The following SLC38A4 variants were observed in gnomAD, a reference collection of about 807,000 sequenced individuals.
SLC38A4 encodes solute carrier family 38 member 4, also known as sodium-coupled neutral amino acid transporter 4.
SLC38A4 carries 20 observed loss-of-function variants against 63.1 expected under a neutral mutation model. The ratio of observed to expected loss-of-function variants is 0.32; its 90% confidence interval spans 0.22 to 0.46. The LOEUF (loss-of-function observed/expected upper bound fraction) is 0.46. SLC38A4 is among the 20% of genes least tolerant of loss of function. SLC38A4 has a pLI of 1.00. For synonymous variants in SLC38A4, 230 were observed against 225.5 expected (o/e 1.02, Z -0.18); for missense variants, 526 against 663.6 (o/e 0.79, Z 2.28).
At chr12:46,830,298 T>TCTCACACA (rs1180274940), upstream of SLC38A4, among the ~76,000 whole-genome samples, 45 of 148,408 alleles carry the variant, frequency 3.0e-4, no homozygotes, top group East Asian at 2.0e-3. Context: ...TCTCTCTCTC[T>TCTCACACA]CACACACACA....
intron 16 of SLC38A4, 99 bp from the exon 17 acceptor site, chr12:46,766,901 G>T: frequency 1.3e-6 from 1 of 747,004 alleles, no homozygotes. Context: ...TCTATATATT[G>T]AGCCATATTA....
At chr12:46,780,055 A>G in intron 7 of SLC38A4, 25 bp from the exon 8 acceptor site, 2 of 1,557,992 alleles carry the variant, frequency 1.3e-6, no homozygotes, top group South Asian at 2.2e-5. Flanking sequence ...GTGACAGCTT[A>G]ATGGTGTGGA....
chr12:46,802,586 C>T (rs766348086), intron 2 of SLC38A4, among the ~76,000 whole-genome samples: 17 of 151,948 alleles, frequency 1.1e-4, no homozygotes, highest in African/African-American at 1.7e-4. Flanking sequence ...AATGTAAATA[C>T]TTTCAAGAAA....
chr12:46,829,934 T>A (rs7953233), upstream of SLC38A4, among the ~76,000 whole-genome samples: 69,199 of 152,098 alleles, frequency 0.45, 16,997 homozygotes, highest in Non-Finnish European at 0.55. Flanking sequence ...ATCTCATAAG[T>A]TTGTTATGAA....
rs113342541 is a variant in SLC38A4 at position 46,785,702 on chromosome 12, A to AAAGCAG, written c.327-531_327-526dup. ...GCAGGCAGTTGCATATATAATAGAG[A>AAAGCAG]AAGCAGAGAAAGCTAAGGATGGGGC... On this transcript the variant is annotated intron_variant, in intron 5 of 16. Transcript: ENST00000266579. 7.3e-3 allele frequency among the ~76,000 whole-genome samples: 1,095 copies of AAAGCAG among 150,476 alleles called. 17 individuals are homozygous for AAAGCAG. Among genetic ancestry groups the AAAGCAG allele is most frequent in the African/African-American group, 0.024 (1,002 of 40,976 alleles).
Position 46,769,342 on chromosome 12 carries a change from T to C in SLC38A4, c.1386A>G (p.Ala462=). Residue 462 remains alanine, a synonymous_variant, in exon 15 of 17, where the codon GCA becomes GCG. Transcript: ENST00000266579. Reference sequence around the variant, plus strand: ...CAAGGATGACCAGAACATTATTAAGTGCAATAAGCACAGCTGCAATCAGGA... The same window carrying C: ...CAAGGATGACCAGAACATTATTAAGCGCAATAAGCACAGCTGCAATCAGGA... ...RHFLIAAVLI[A]LNNVLVILVP... The C allele has an allele frequency of 6.2e-7, 1 of 1,613,452 alleles. No individual in the cohort carries two copies.
chr12:46,831,967 G>A (rs571242329), intron 1 of SLC38A4, among the ~76,000 whole-genome samples: 1 of 148,480 alleles, frequency 6.7e-6, no homozygotes, highest in Non-Finnish European at 1.5e-5. Context: ...CAGCCCTCCT[G>A]GAATAGGCTA....
upstream of SLC38A4, among the ~76,000 whole-genome samples, chr12:46,830,296 T>TCACACA (rs1383380116): frequency 1.9e-4 from 23 of 118,966 alleles, no homozygotes; most frequent in African/African-American, 4.0e-4. Flanking sequence ...TCTCTCTCTC[T>TCACACA]CTCACACACA....
intron 14 of SLC38A4, among the ~76,000 whole-genome samples, chr12:46,770,211 C>T (rs1034032464): frequency 5.9e-5 from 9 of 151,852 alleles, no homozygotes. Flanking sequence ...AGGGCAAGCA[C>T]TGAATTGATT....
chr12:46,765,638 C>A lies in SLC38A4; in HGVS notation c.*1063G>T, dbSNP rs949126544. ...CACCAACTTAATTCCCTGCCCCCAC[C>A]CCCAATAATATAAATGCTTTGACTG... On this transcript the variant is annotated 3_prime_UTR_variant, in exon 17 of 17. Coordinates refer to ENST00000266579, the MANE Select transcript of SLC38A4 (RefSeq NM_018018.5). 2 of 181,322 alleles carry A rather than the reference C, an allele frequency of 1.1e-5. No individual in the cohort carries two copies. The highest frequency in any genetic ancestry group is 6.0e-5 in the Admixed American group (1 of 16,742). The allele number at this position is 181,322 out of a possible 1,614,324, so 11.2% of individuals were successfully genotyped here.
At chr12:46,830,013 C>T (rs756532290), upstream of SLC38A4, among the ~76,000 whole-genome samples, 2 of 152,096 alleles carry the variant, frequency 1.3e-5, no homozygotes, top group African/African-American at 2.4e-5. Context: ...ATGTGTGAGC[C>T]GGAATTACCA....
intron 3 of SLC38A4, among the ~76,000 whole-genome samples, chr12:46,791,199 A>C (rs1938880817): frequency 6.6e-6 from 1 of 152,236 alleles, no homozygotes; most frequent in African/African-American, 2.4e-5. Flanking sequence ...GTGAAGGAGA[A>C]GTAATAAAAA....
upstream of SLC38A4, among the ~76,000 whole-genome samples, chr12:46,828,689 T>A (rs545846764): frequency 1.3e-4 from 20 of 152,334 alleles, no homozygotes; most frequent in East Asian, 1.4e-3. Context: ...TCCAGTAGAC[T>A]CATTCATTGT....
intron 5 of SLC38A4, 31 bp from the exon 6 acceptor site, chr12:46,785,208 G>T (rs751249108): frequency 1.3e-6 from 2 of 1,491,252 alleles, no homozygotes; most frequent in South Asian, 2.3e-5. Flanking sequence ...AGGTAATAAA[G>T]TTTCTACAAT....
At chr12:46,772,696 AAAAG>A (rs1363992807) in intron 14 of SLC38A4, among the ~76,000 whole-genome samples, 1 of 152,134 alleles carries the variant, frequency 6.6e-6, no homozygotes, top group Non-Finnish European at 1.5e-5. Flanking sequence ...CTGATTGGAA[AAAAG>A]AAAGATAATA....
chr12:46,793,176 ACT>A lies in SLC38A4; in HGVS notation c.-107_-106del, dbSNP rs1938926127. 2.7e-6 allele frequency: 2 copies of A among 751,814 alleles called. No individual in the cohort carries two copies. Among genetic ancestry groups the A allele is most frequent in the South Asian group, 1.6e-5 (1 of 64,304 alleles). The allele number at this position is 751,814 out of a possible 1,614,324, so 46.6% of individuals were successfully genotyped here. On this transcript the variant is annotated 5_prime_UTR_variant, in exon 3 of 17. Transcript: ENST00000266579. ...TCCACTTTGTGTTGATGTTCAGAACACTCTGTTCTGCAAACAGAACACAACAT... is the reference window on the plus strand; with the variant it reads ...TCCACTTTGTGTTGATGTTCAGAACACTGTTCTGCAAACAGAACACAACAT...
At chr12:46,768,636 TATA>T (rs1292650241) in intron 15 of SLC38A4, among the ~76,000 whole-genome samples, 3 of 152,164 alleles carry the variant, frequency 2.0e-5, no homozygotes, top group Admixed American at 2.0e-4. Context: ...ATATGCAACA[TATA>T]ATAAGCAACA....
chr12:46,806,706 G>T (rs1399815032), intron 1 of SLC38A4, among the ~76,000 whole-genome samples: 1 of 151,976 alleles, frequency 6.6e-6, no homozygotes, highest in African/African-American at 2.4e-5. Flanking sequence ...TAGAGAAAGA[G>T]AACGTATGGT....
chr12:46,772,141 A>G (rs1938430461), intron 14 of SLC38A4, among the ~76,000 whole-genome samples: 1 of 151,918 alleles, frequency 6.6e-6, no homozygotes, highest in Non-Finnish European at 1.5e-5. Context: ...CTTAAAAAAA[A>G]AAAAAAAGCC....
Sources: gnomAD v4.1 joint callset for allele counts (sites outside exome capture counted in the v4.1 genomes callset) on GRCh38, gnomAD v4.1.1 for gene constraint, MANE v1.5 for transcripts, NCBI Gene and HGNC (gene_info 2026-07-23, HGNC 2026-07-21) for gene names.